Variants in RNF180 observed in about 807,000 individuals in gnomAD.
RNF180 encodes the protein E3 ubiquitin-protein ligase RNF180.
Under a neutral mutation model 59.2 loss-of-function variants are expected in RNF180, and 38 were observed. The ratio of observed to expected loss-of-function variants is 0.64; its 90% CI spans 0.50 to 0.84. The LOEUF is 0.84. RNF180 is among the 40% of genes least tolerant of loss of function. RNF180 has a pLI of 0.00. For missense variants in RNF180, 705 were observed against 700.9 expected (o/e 1.01, Z -0.07); for synonymous variants, 262 against 240.3 (o/e 1.09, Z -0.84).
chr5:64,266,429 A>G (rs1744685410), intron 5 of RNF180, among the ~76,000 whole-genome samples: 2 of 152,122 alleles, frequency 1.3e-5, no homozygotes, highest in Non-Finnish European at 2.9e-5. Context: ...CTTCTTTTAT[A>G]AAGTTATTAC....
chr5:64,335,696 A>G (rs1341294069), intron 7 of RNF180, among the ~76,000 whole-genome samples: 3 of 152,132 alleles, frequency 2.0e-5, no homozygotes. Flanking sequence ...GTAAGTTTTG[A>G]TATCCCCCCT....
chr5:64,226,761 C>G (rs1039490114), intron 5 of RNF180, among the ~76,000 whole-genome samples: 1 of 152,040 alleles, frequency 6.6e-6, no homozygotes, highest in Non-Finnish European at 1.5e-5. Context: ...TAACAGAGTT[C>G]TTTAGCCTCC....
At chr5:64,297,802 C>T (rs1181293477) in intron 5 of RNF180, among the ~76,000 whole-genome samples, 1 of 152,004 alleles carries the variant, frequency 6.6e-6, no homozygotes, top group Non-Finnish European at 1.5e-5. Flanking sequence ...CTTGAAATGA[C>T]AGGAAAATTA....
chr5:64,181,693 ATC>A (rs1309316531), intron 1 of RNF180, among the ~76,000 whole-genome samples: 3 of 152,310 alleles, frequency 2.0e-5, no homozygotes, highest in East Asian at 1.9e-4. Context: ...GTCTGGGCAG[ATC>A]TCTCTGTAAT....
At chr5:64,275,164 A>G (rs940806165) in intron 5 of RNF180, among the ~76,000 whole-genome samples, 14 of 151,652 alleles carry the variant, frequency 9.2e-5, no homozygotes, top group Non-Finnish European at 1.5e-4. Context: ...TCTGTAACAT[A>G]CATGTCTGTA....
chr5:64,367,842 C>G (rs537626147), intron 7 of RNF180, among the ~76,000 whole-genome samples: 1 of 151,642 alleles, frequency 6.6e-6, no homozygotes, highest in Non-Finnish European at 1.5e-5. Flanking sequence ...TCCCTGTTCC[C>G]TAACATGAAT....
chr5:64,289,482 G>A (rs746678698), intron 5 of RNF180, among the ~76,000 whole-genome samples: 37 of 152,064 alleles, frequency 2.4e-4, no homozygotes, highest in African/African-American at 7.5e-4. Context: ...GCTCTTCTTT[G>A]TACCTCTGGT....
intron 7 of RNF180, among the ~76,000 whole-genome samples, chr5:64,357,668 C>A (rs1185373259): frequency 1.3e-5 from 2 of 151,788 alleles, no homozygotes; most frequent in African/African-American, 4.8e-5. Flanking sequence ...TAGCACAACA[C>A]AACCTACCAA....
chr5:64,321,193 A>G (rs7718124), intron 5 of RNF180, among the ~76,000 whole-genome samples: 6,831 of 152,184 alleles, frequency 0.045, 503 homozygotes, highest in African/African-American at 0.15. Context: ...GGAAAAAAAA[A>G]GGGTGGGGGG....
chr5:64,268,385 T>A (rs376251362), intron 5 of RNF180, among the ~76,000 whole-genome samples: 3 of 152,144 alleles, frequency 2.0e-5, no homozygotes, highest in East Asian at 3.9e-4. Flanking sequence ...TTTTTTAGTG[T>A]CCATGACATT....
chr5:64,355,601 C>CAA (rs199819337), intron 7 of RNF180, among the ~76,000 whole-genome samples: 1 of 151,090 alleles, frequency 6.6e-6, no homozygotes, highest in African/African-American at 2.4e-5. Context: ...CTTGCATAAC[C>CAA]AAAAAAAATC....
intron 1 of RNF180, among the ~76,000 whole-genome samples, chr5:64,169,486 T>A (rs893013953): frequency 6.6e-6 from 1 of 152,184 alleles, no homozygotes; most frequent in Admixed American, 6.5e-5. Flanking sequence ...TTTGAGAGAA[T>A]GCAGCACACT....
intron 5 of RNF180, among the ~76,000 whole-genome samples, chr5:64,310,400 T>C (rs1743704112): frequency 1.3e-5 from 2 of 151,924 alleles, no homozygotes; most frequent in African/African-American, 4.8e-5. Context: ...TTTTACCAAA[T>C]GTTTTGTCAT....
intron 5 of RNF180, among the ~76,000 whole-genome samples, chr5:64,300,117 G>T (rs541940513): frequency 1.3e-5 from 2 of 151,560 alleles, no homozygotes; most frequent in South Asian, 4.2e-4. Context: ...CTGGCAATTT[G>T]AATACACCAA....
Position 64,165,902 on chromosome 5 carries a change from C to G in RNF180, c.-52C>G, listed in dbSNP as rs912590791. On this transcript the variant is annotated 5_prime_UTR_variant, in exon 1 of 8. Transcript: ENST00000389100. ...TCCTCAGAGCCTGGCTGCTGGCGGC[C>G]GGGAGCGCCGGGACGGGGCGCGAAG... 3 of 152,106 alleles carry G rather than the reference C, an allele frequency of 2.0e-5. No individual in the cohort carries two copies. The highest frequency in any genetic ancestry group is 1.3e-4 in the Admixed American group (2 of 15,242). 9.4% of individuals were successfully genotyped at this position (152,106 alleles called of 1,614,324 possible).
chr5:64,318,375 A>T (rs1374228293), intron 5 of RNF180, among the ~76,000 whole-genome samples: 10 of 152,176 alleles, frequency 6.6e-5, no homozygotes, highest in Admixed American at 2.6e-4. Flanking sequence ...TGAACAAAGA[A>T]ATGATTCACA....
chr5:64,199,800 T>C (rs1751643507), intron 1 of RNF180, among the ~76,000 whole-genome samples: 1 of 152,210 alleles, frequency 6.6e-6, no homozygotes, highest in South Asian at 2.1e-4. Flanking sequence ...TATTTTGGAA[T>C]TGTTATGTAT....
intron 1 of RNF180, among the ~76,000 whole-genome samples, chr5:64,192,568 AG>A (rs1751212903): frequency 6.6e-6 from 1 of 152,006 alleles, no homozygotes; most frequent in African/African-American, 2.4e-5. Context: ...GCTACTCAGG[AG>A]GCTGAGGCAG....
At chr5:64,210,027 C>A (rs1195388272) in intron 2 of RNF180, among the ~76,000 whole-genome samples, 1 of 152,016 alleles carries the variant, frequency 6.6e-6, no homozygotes, top group East Asian at 1.9e-4. Flanking sequence ...CATGACTGAA[C>A]TGTTATTGTA....
Sources: gnomAD v4.1 joint callset for allele counts (sites outside exome capture counted in the v4.1 genomes callset) on GRCh38, gnomAD v4.1.1 for gene constraint, MANE v1.5 for transcripts, NCBI Gene and HGNC (gene_info 2026-07-23, HGNC 2026-07-21) for gene names.